Variants in CLPTM1 observed in about 807,000 individuals in gnomAD.
The protein encoded by CLPTM1 is putative lipid scramblase CLPTM1.
In CLPTM1, 21 loss-of-function variants were observed where a neutral mutation model predicts 77.3. The observed-to-expected ratio is 0.27, with a 90% CI of 0.19 to 0.39. CLPTM1 has a LOEUF of 0.39. CLPTM1 is among the 10% of genes least tolerant of loss of function. The pLI is 1.00. For missense variants in CLPTM1, 642 were observed against 921.2 expected (o/e 0.70, Z 3.92); for synonymous variants, 373 against 381.0 (o/e 0.98, Z 0.24).
chr19:44,991,122 C>T lies in CLPTM1; in HGVS notation c.1420-116C>T. 1 of 1,544,384 alleles carries T rather than the reference C, an allele frequency of 6.5e-7. No individual in the cohort carries two copies. Among genetic ancestry groups the T allele is most frequent in the Non-Finnish European group, 8.8e-7 (1 of 1,136,032 alleles). On this transcript the variant is annotated intron_variant, in intron 11 of 13. Transcript: ENST00000337392. This position sits in a 1 kb window ranked among gnomAD's most constrained non-coding sequence, Gnocchi z 5.4. Reference sequence around the variant, plus strand: ...GGCGAGTCCGGAGTCCCCAGGGCTACCTGGAAATTCCCCCTGCCCGGCCTG... The same window carrying T: ...GGCGAGTCCGGAGTCCCCAGGGCTATCTGGAAATTCCCCCTGCCCGGCCTG...
Position 44,962,063 on chromosome 19 carries a change from GT to G in CLPTM1, c.174del (p.Val59CysfsTer44), listed in dbSNP as rs1970552948. On this transcript the variant is annotated frameshift_variant, in exon 2 of 14. Transcript: ENST00000337392. LOFTEE classifies it high-confidence loss of function. ...PAPNAWQVIK[G>X]VLFRIFIIWA... ...CCCAATGCCTGGCAGGTCATCAAAG[GT>G]GTGCTGTTTAGGTGAGCAGACGGGA... 1 of 1,604,958 alleles carries G rather than the reference GT, an allele frequency of 6.2e-7. No individual in the cohort carries two copies. Among genetic ancestry groups the G allele is most frequent in the Non-Finnish European group, 8.5e-7 (1 of 1,176,612 alleles).
Position 44,992,176 on chromosome 19 carries a change from T to C in CLPTM1, c.1556-57T>C, listed in dbSNP as rs1399260189. On this transcript the variant is annotated intron_variant, in intron 12 of 13. Coordinates refer to ENST00000337392, the MANE Select transcript of CLPTM1 (RefSeq NM_001294.4). This position sits in a 1 kb window ranked among gnomAD's most constrained non-coding sequence, Gnocchi z 7.7. ...GGGGGCTGGTATGGCCAGTGCAGAG[T>C]GCACAGGGGAGAGGTGGGAGAGGCC... 8.2e-6 allele frequency: 13 copies of C among 1,588,518 alleles called. No homozygotes were observed.
rs1402131487 is a variant in CLPTM1, at chr19:44,990,512, T to A, written c.1250T>A (p.Phe417Tyr). 6.2e-7 allele frequency: 1 copy of A among 1,614,094 alleles called. No individual in the cohort carries two copies. The highest frequency in any genetic ancestry group is 1.7e-5 in the Admixed American group (1 of 60,000). The change falls in exon 10 of 14, where the codon TTC (phenylalanine) becomes TAC (tyrosine). Residue 417 changes from phenylalanine to tyrosine, a missense_variant. Physicochemically the swap from Phe to Tyr is conservative, Grantham distance 22 (BLOSUM62 3). Around this residue, in one of 2 missense-constraint regions of CLPTM1, gnomAD observed 521 missense variants for 800.4 expected, o/e 0.65. Coordinates refer to ENST00000337392, the MANE Select transcript of CLPTM1 (RefSeq NM_001294.4). The surrounding 1 kb of genome is among the most constrained non-coding windows in gnomAD (Gnocchi z 4.8). ...TACATCCTGGACAACGAGACCAACT[T>A]CGTGGTCCAGGTCAGCGTCTTCATT... is the stretch of plus-strand genomic sequence containing the variant. ...LLYILDNETN[F>Y]VVQVSVFIGV...
In CLPTM1 at chr19:44,991,190, A is replaced by G; in HGVS notation, c.1420-48A>G. On this transcript the variant is annotated intron_variant, in intron 11 of 13. Transcript: ENST00000337392. This position sits in a 1 kb window ranked among gnomAD's most constrained non-coding sequence, Gnocchi z 5.4. Reference sequence around the variant, plus strand: ...GGTGAGGGCGGGGAGCAGGGCTGCCAGGCAGGGCTGAGGAGCTGGCTGACA... The same window carrying G: ...GGTGAGGGCGGGGAGCAGGGCTGCCGGGCAGGGCTGAGGAGCTGGCTGACA... 3 of 1,609,546 alleles carry G rather than the reference A, an allele frequency of 1.9e-6. No homozygotes were observed. Among genetic ancestry groups the G allele is most frequent in the Middle Eastern group, 1.8e-4 (1 of 5,706 alleles).
At chr19:44,986,618 A>G (rs1424864313) in intron 7 of CLPTM1, 43 bp downstream of exon 7, 5 of 1,602,364 alleles carry the variant, frequency 3.1e-6, no homozygotes, top group Non-Finnish European at 4.3e-6. Flanking sequence ...AGCCTTTGAG[A>G]GGGTGCTCGG....
rs1332130244 is a variant in CLPTM1 at position 44,990,076 on chromosome 19, A to C, written c.1133-319A>C. On this transcript the variant is annotated intron_variant, in intron 9 of 13. Coordinates refer to ENST00000337392, the MANE Select transcript of CLPTM1 (RefSeq NM_001294.4). The surrounding 1 kb of genome is among the most constrained non-coding windows in gnomAD (Gnocchi z 4.8). Reference sequence around the variant, plus strand: ...CCTCAGGGAAGCAGCTTCCCTGACCAGTCCTTAGCACCTGGCACGTGGTGA... The same window carrying C: ...CCTCAGGGAAGCAGCTTCCCTGACCCGTCCTTAGCACCTGGCACGTGGTGA... The C allele has an allele frequency of 8.7e-6, 3 of 343,126 alleles. No homozygotes were observed. Among genetic ancestry groups the C allele is most frequent in the Non-Finnish European group, 1.6e-5 (3 of 188,356 alleles). 21.3% of individuals were successfully genotyped at this position (343,126 alleles called of 1,614,324 possible).
chr19:44,977,412 C>T lies in CLPTM1; in HGVS notation c.538C>T (p.Arg180Trp), dbSNP rs1374367230. 6 of 1,609,816 alleles carry T rather than the reference C, an allele frequency of 3.7e-6. No homozygotes were observed. The highest frequency in any genetic ancestry group is 2.7e-5 in the African/African-American group (2 of 75,044). Reference sequence around the variant, plus strand: ...CAAGAGTGGCTTCCACCCAGACCCCCGGCAGAAGGCCCTGTACCGCCGGCT... The same window carrying T: ...CAAGAGTGGCTTCCACCCAGACCCCTGGCAGAAGGCCCTGTACCGCCGGCT... Reference protein sequence around the residue: ...FTKSGFHPDPRQKALYRRLAT... With the variant: ...FTKSGFHPDPWQKALYRRLAT... Residue 180 changes from arginine (R) to tryptophan (W), a missense_variant, in exon 5 of 14, where the codon CGG (arginine) becomes TGG (tryptophan). This residue lies in a region of CLPTM1 where 521 missense variants were observed against 800.4 expected (regional missense o/e 0.65). Coordinates refer to ENST00000337392, the MANE Select transcript of CLPTM1 (RefSeq NM_001294.4).
At chr19:44,965,071 C>T (rs1970605484) in intron 2 of CLPTM1, among the ~76,000 whole-genome samples, 1 of 151,966 alleles carries the variant, frequency 6.6e-6, no homozygotes, top group South Asian at 2.1e-4. Flanking sequence ...TACTCCTCTG[C>T]AAAATAGATA....
At chr19:44,971,279 G>A (rs920159569) in intron 2 of CLPTM1, among the ~76,000 whole-genome samples, 2 of 151,930 alleles carry the variant, frequency 1.3e-5, no homozygotes, top group Non-Finnish European at 2.9e-5. Context: ...GAACAAATAC[G>A]AGAATACGTG....
chr19:44,986,381 G>T, intron 6 of CLPTM1, 74 bp from the exon 7 acceptor site: 3 of 1,532,336 alleles, frequency 2.0e-6, no homozygotes, highest in Non-Finnish European at 2.6e-6. Context: ...ACCCTGGGGA[G>T]GAAGTGTACA....
At chr19:44,977,516 GC>G in intron 5 of CLPTM1, 56 bp downstream of exon 5, 1 of 1,318,778 alleles carries the variant, frequency 7.6e-7, no homozygotes, top group Non-Finnish European at 1.1e-6. Flanking sequence ...CATCCTGGGA[GC>G]CCCCAGGCTA....
At chr19:44,958,440 C>T (rs369127000) in intron 1 of CLPTM1, among the ~76,000 whole-genome samples, 22 of 151,582 alleles carry the variant, frequency 1.5e-4, no homozygotes, top group African/African-American at 4.4e-4. Context: ...ACCACAATCT[C>T]GGCTCACTGC....
At chr19:44,980,502 C>T (rs1970877208) in intron 5 of CLPTM1, among the ~76,000 whole-genome samples, 1 of 114,604 alleles carries the variant, frequency 8.7e-6, no homozygotes, top group Non-Finnish European at 1.8e-5. Context: ...GAGCAAGACT[C>T]CATCTCAAAA....
intron 5 of CLPTM1, chr19:44,984,642 C>T (rs201745483): frequency 0.013 from 1,930 of 153,154 alleles, 41 homozygotes; most frequent in African/African-American, 0.041. Flanking sequence ...TCCAAAGCTG[C>T]GGGATGCCAT....
upstream of CLPTM1, chr19:44,955,348 G>A (rs1042383039): frequency 3.6e-6 from 5 of 1,369,926 alleles, no homozygotes; most frequent in Non-Finnish European, 4.7e-6. Context: ...CTGCGAAGTC[G>A]GGGACGGGGC....
chr19:44,963,430 A>G (rs992415231), intron 2 of CLPTM1, among the ~76,000 whole-genome samples: 61 of 146,814 alleles, frequency 4.2e-4, no homozygotes, highest in African/African-American at 1.5e-3. Context: ...GGTTCACGCC[A>G]TTCTCCTGCC....
At position 44,991,414 on chromosome 19, in the gene CLPTM1, C is replaced by T. The variant is rs769369724; in HGVS notation, c.1555+41C>T. 3 of 1,597,022 alleles carry T rather than the reference C, an allele frequency of 1.9e-6. No homozygotes were observed. Among genetic ancestry groups the T allele is most frequent in the Non-Finnish European group, 2.6e-6 (3 of 1,174,700 alleles). ...GCCCCAGGAGAGAGCAGGCCCCATG[C>T]TGCGCAGGGCTCACAGCCCCAGTGT... On this transcript the variant is annotated intron_variant, in intron 12 of 13. Coordinates refer to ENST00000337392, the MANE Select transcript of CLPTM1 (RefSeq NM_001294.4). The surrounding 1 kb of genome is among the most constrained non-coding windows in gnomAD (Gnocchi z 5.4).
rs773440104 is a variant in CLPTM1 at position 44,962,876 on chromosome 19, C to T, written c.185+801C>T. Among the ~76,000 whole-genome samples, 6 of 151,698 alleles carry T rather than the reference C, an allele frequency of 4.0e-5. No individual in the cohort carries two copies. The South Asian group carries it at 1.3e-3, about 32-fold the overall frequency. ...GTCAAGAGATCGAGACCATCCTGGC[C>T]AACATAGTGATACCCCATCTCTACT... On this transcript the variant is annotated intron_variant, in intron 2 of 13. Coordinates refer to ENST00000337392, the MANE Select transcript of CLPTM1 (RefSeq NM_001294.4).
intron 5 of CLPTM1, 40 bp from the exon 6 acceptor site, chr19:44,985,178 C>A: frequency 6.7e-7 from 1 of 1,499,038 alleles, no homozygotes; most frequent in Non-Finnish European, 9.3e-7. Context: ...CAGGTGCCAG[C>A]AGGTCTCACG....
Sources: allele counts gnomAD v4.1 joint callset (sites outside exome capture counted in the v4.1 genomes callset), GRCh38; gene constraint gnomAD v4.1.1; regional missense constraint gnomAD v4.1.1; non-coding constraint Gnocchi (gnomAD v3.1); transcripts MANE v1.5; gene names NCBI Gene and HGNC (gene_info 2026-07-23, HGNC 2026-07-21).